Variants in PARP10 observed in about 807,000 individuals in gnomAD.
PARP10 encodes the protein poly(ADP-ribose) polymerase family member 10.
Under a neutral mutation model 82.4 loss-of-function variants are expected in PARP10, and 56 were observed. That is an observed-to-expected ratio of 0.68 (90% confidence interval 0.55 to 0.85). The LOEUF (loss-of-function observed/expected upper bound fraction) is 0.85. Among genes scored for constraint, PARP10 ranks in the 40% least tolerant of loss-of-function variants. The pLI is 0.00. For synonymous variants in PARP10, 576 were observed against 601.1 expected (o/e 0.96, Z 0.61); for missense variants, 1,227 against 1,379.4 (o/e 0.89, Z 1.75).
chr8:143,985,209 G>A lies in PARP10; in HGVS notation c.793C>T (p.Pro265Ser). 1 of 1,614,122 alleles carries A rather than the reference G, an allele frequency of 6.2e-7. No homozygotes were observed. The highest frequency in any genetic ancestry group is 8.5e-7 in the Non-Finnish European group (1 of 1,180,028). Residue 265 changes from proline to serine, a missense_variant, in exon 5 of 11, where the codon CCG (proline) becomes TCG (serine). Transcript: ENST00000313028. The stretch of plus-strand genomic sequence containing the variant: ...GTAGCCCTAGGCCCCTGGGTGGACG[G>A]GTGGTCCCCTCCACTGGTGTTCTCA... ...LAENTSGGDHPSTQGPRATKH... is the reference protein window; with the variant it reads ...LAENTSGGDHSSTQGPRATKH...
intron 1 of PARP10, chr8:144,012,484 C>G: frequency 6.5e-7 from 1 of 1,544,790 alleles, no homozygotes; most frequent in East Asian, 2.4e-5. Flanking sequence ...AGTGCCCTCC[C>G]GTGGGCCGCA....
At chr8:143,996,606 G>A (rs1834166608) in intron 1 of PARP10, among the ~76,000 whole-genome samples, 2 of 152,210 alleles carry the variant, frequency 1.3e-5, no homozygotes, top group African/African-American at 4.8e-5. Flanking sequence ...GCACACCACA[G>A]GCGTCAAACG....
In PARP10 at chr8:143,984,765, G is replaced by C. The variant is rs1554748780; in HGVS notation, c.1237C>G (p.Leu413Val). The C allele has an allele frequency of 6.2e-7, 1 of 1,613,616 alleles. No individual in the cohort carries two copies. Among genetic ancestry groups the C allele is most frequent in the South Asian group, 1.1e-5 (1 of 91,064 alleles). Residue 413 changes from leucine (L) to valine (V), a missense_variant, in exon 5 of 11, where the codon CTG (leucine) becomes GTG (valine). Transcript: ENST00000313028. ...ATGGTGATCTCCATGGGACCCACCA[G>C]CCCCTCTTGCTCTGGTGAGTCCATG... ...IAMDSPEQEG[L>V]VGPMEITMGS... is the part of the protein sequence containing the mutation.
intron 1 of PARP10, among the ~76,000 whole-genome samples, chr8:144,001,070 C>A (rs567308300): frequency 6.6e-6 from 1 of 151,742 alleles, no homozygotes; most frequent in Non-Finnish European, 1.5e-5. Context: ...CCTGCCACCA[C>A]GCCTGGCTAA....
Position 143,985,229 on chromosome 8 carries a change from T to C in PARP10, c.773A>G (p.Asn258Ser). The C allele has an allele frequency of 6.2e-7, 1 of 1,614,006 alleles. No homozygotes were observed. Among genetic ancestry groups the C allele is most frequent in the Non-Finnish European group, 8.5e-7 (1 of 1,179,980 alleles). ...GGACGGGTGGTCCCCTCCACTGGTGTTCTCAGCCAGCTCCTCGGGCTCCAG... is the reference window on the plus strand; with the variant it reads ...GGACGGGTGGTCCCCTCCACTGGTGCTCTCAGCCAGCTCCTCGGGCTCCAG... ...DILEPEELAENTSGGDHPSTQ... is the reference protein window; with the variant it reads ...DILEPEELAESTSGGDHPSTQ... Residue 258 changes from asparagine to serine, a missense_variant, in exon 5 of 11, where the codon AAC becomes AGC. Physicochemically the swap from Asn to Ser is conservative, Grantham distance 46. Transcript: ENST00000313028.
upstream of PARP10, chr8:143,986,576 G>A (rs1833996523): frequency 9.7e-6 from 7 of 722,782 alleles, no homozygotes; most frequent in African/African-American, 7.1e-5. Flanking sequence ...CTGACCAGGA[G>A]GTATTGGCCA....
chr8:143,981,305 AGTGGTGGTGG>A (rs1833844007), intron 9 of PARP10, among the ~76,000 whole-genome samples: 1 of 143,516 alleles, frequency 7.0e-6, no homozygotes. Flanking sequence ...TGGTGGTGGT[AGTGGTGGTGG>A]TGATGGTGGT....
At chr8:144,007,474 C>A (rs576913467) in intron 1 of PARP10, among the ~76,000 whole-genome samples, 67 of 152,330 alleles carry the variant, frequency 4.4e-4, no homozygotes, top group Non-Finnish European at 8.1e-4. Flanking sequence ...GCTTCTCCAG[C>A]TTCATGGTGC....
intron 9 of PARP10, among the ~76,000 whole-genome samples, chr8:143,981,315 G>GTGA (rs1306475036): frequency 4.3e-5 from 6 of 139,732 alleles, no homozygotes; most frequent in South Asian, 2.2e-4. Context: ...AGTGGTGGTG[G>GTGA]TGATGGTGGT....
Position 143,984,617 on chromosome 8 carries a change from T to A in PARP10, c.1385A>T (p.His462Leu), listed in dbSNP as rs1235776676. Reference sequence around the variant, plus strand: ...TCCCAGGCCCGCAAGAAGGTCCTCATGGTAGAGCTGCAGGAAGCGCATCGC... The same window carrying A: ...TCCCAGGCCCGCAAGAAGGTCCTCAAGGTAGAGCTGCAGGAAGCGCATCGC... ...PGAMRFLQLY[H>L]EDLLAGLGDV... Residue 462 changes from histidine (H) to leucine (L), a missense_variant, in exon 5 of 11, where the codon CAT (histidine) becomes CTT (leucine). Physicochemically the swap from His to Leu is moderately conservative, Grantham distance 99. Transcript: ENST00000313028. 6 of 1,614,024 alleles carry A rather than the reference T, an allele frequency of 3.7e-6. No individual in the cohort carries two copies.
rs897577243 is a variant in PARP10, at chr8:144,008,979, C to G, written c.-80+3551G>C. Among the ~76,000 whole-genome samples the G allele has an allele frequency of 1.3e-5, 2 of 152,082 alleles. No homozygotes were observed. On this transcript the variant is annotated intron_variant, in intron 1 of 3. Transcript: ENST00000530478. This position sits in a 1 kb window ranked among gnomAD's most constrained non-coding sequence, Gnocchi z 4.0. ...GCTGCAGCTTAACATTCTGGGGGAC[C>G]CTGGGGGTCTTTTGAGGGCCTCTAC... is the stretch of plus-strand genomic sequence containing the variant.
Position 143,983,085 on chromosome 8 carries a change from G to C in PARP10, c.2423-20C>G, listed in dbSNP as rs368494904. Reference sequence around the variant, plus strand: ...CCGCCACTGATGCATGGGGAAAAGCGGGGGGTCAGAGCCATGCCTGGGGCA... The same window carrying C: ...CCGCCACTGATGCATGGGGAAAAGCCGGGGGTCAGAGCCATGCCTGGGGCA... On this transcript the variant is annotated intron_variant, in intron 8 of 10. Transcript: ENST00000313028. The C allele has an allele frequency of 8.9e-5, 144 of 1,613,480 alleles. No homozygotes were observed. In the East Asian group the frequency reaches 1.4e-3, roughly 16 times the overall value.
At position 143,981,358 on chromosome 8, in the gene PARP10, A is replaced by G. The variant is rs113588400; in HGVS notation, c.2556+1574T>C. Reference sequence around the variant, plus strand: ...GTGAGTGGTGAAGGTGATGGTGATGATGGTGGTGACGACAGTGAGTGGTGA... The same window carrying G: ...GTGAGTGGTGAAGGTGATGGTGATGGTGGTGGTGACGACAGTGAGTGGTGA... On this transcript the variant is annotated intron_variant, in intron 9 of 10. Coordinates refer to ENST00000313028, the MANE Select transcript of PARP10 (RefSeq NM_032789.5). 9.3e-3 allele frequency among the ~76,000 whole-genome samples: 781 copies of G among 83,960 alleles called. 12 individuals carry two copies. Among genetic ancestry groups the G allele is most frequent in the South Asian group, 0.043 (95 of 2,234 alleles). The allele number at this position is 83,960 out of a possible 152,430, so 55.1% of individuals were successfully genotyped here. A position where few individuals can be genotyped will look rare whatever the true frequency, so the allele number is the denominator to read the frequency against.
chr8:143,982,542 G>A (rs1833887793), intron 9 of PARP10, among the ~76,000 whole-genome samples: 1 of 152,252 alleles, frequency 6.6e-6, no homozygotes, highest in Non-Finnish European at 1.5e-5. Context: ...TTTCTGTGGA[G>A]GCAGAAGAGC....
upstream of PARP10, chr8:143,992,877 C>T (rs369098445): frequency 2.4e-5 from 38 of 1,599,682 alleles, no homozygotes; most frequent in African/African-American, 8.0e-5. Flanking sequence ...TCAGGTGGCA[C>T]GGCTGGCCTG....
chr8:143,981,354 GAT>G (rs879988037), intron 9 of PARP10, among the ~76,000 whole-genome samples: 5,324 of 107,046 alleles, frequency 0.05, 407 homozygotes, highest in Non-Finnish European at 0.078. Flanking sequence ...AGGTGATGGT[GAT>G]GATGGTGGTG....
At chr8:143,991,660 A>T (rs782650412), upstream of PARP10, 1 of 1,592,030 alleles carries the variant, frequency 6.3e-7, no homozygotes, top group South Asian at 1.1e-5. Flanking sequence ...GGTGCTTGTG[A>T]GTGGCGCTGA....
chr8:143,993,672 G>C (rs1447905410), upstream of PARP10, among the ~76,000 whole-genome samples: 1 of 152,220 alleles, frequency 6.6e-6, no homozygotes, highest in Non-Finnish European at 1.5e-5. Context: ...GTGTCTACCA[G>C]GTGCTCCGTG....
chr8:143,986,134 G>A lies in PARP10; in HGVS notation c.102C>T (p.Arg34=), dbSNP rs1833985034. The change falls in exon 2 of 11, where the codon CGC becomes CGT. Residue 34 remains arginine (R), a synonymous_variant. Coordinates refer to ENST00000313028, the MANE Select transcript of PARP10 (RefSeq NM_032789.5). ...DELLTLYFEN[R]RRSGGGPVLS... ...ACACAGGTCCCCCTCCAGAGCGTCGGCGGTTTTCAAAGTAGAGAGTGAGCA... is the reference window on the plus strand; with the variant it reads ...ACACAGGTCCCCCTCCAGAGCGTCGACGGTTTTCAAAGTAGAGAGTGAGCA... 6 of 1,614,016 alleles carry A rather than the reference G, an allele frequency of 3.7e-6. No homozygotes were observed. Among genetic ancestry groups the A allele is most frequent in the Non-Finnish European group, 4.2e-6 (5 of 1,179,986 alleles).
Sources: gnomAD v4.1 joint callset for allele counts (sites outside exome capture counted in the v4.1 genomes callset) on GRCh38, gnomAD v4.1.1 for gene constraint, Gnocchi (gnomAD v3.1) non-coding constraint, MANE v1.5 for transcripts, NCBI Gene and HGNC (gene_info 2026-07-23, HGNC 2026-07-21) for gene names.